ROCK1: variants seen among roughly 807,000 people sequenced by gnomAD.
The protein encoded by ROCK1 is rho-associated protein kinase 1.
ROCK1 carries 36 observed loss-of-function variants against 196.8 expected under a neutral mutation model. The ratio of observed to expected loss-of-function variants is 0.18; its 90% CI spans 0.14 to 0.24. The LOEUF (loss-of-function observed/expected upper bound fraction) is 0.24. Among genes scored for constraint, ROCK1 ranks in the 10% least tolerant of loss-of-function variants. The pLI, the probability that ROCK1 is intolerant of heterozygous loss-of-function variation, is 1.00. For synonymous variants in ROCK1, 443 were observed against 515.9 expected, an observed-to-expected ratio of 0.86 and a Z score of 1.91; for missense variants, 920 against 1,562.0, an observed-to-expected ratio of 0.59 and a Z score of 6.93.
chr18:21,013,425 C>T (rs1481119925), intron 13 of ROCK1, among the ~76,000 whole-genome samples: 1 of 152,166 alleles, frequency 6.6e-6, no homozygotes, highest in African/African-American at 2.4e-5. Flanking sequence ...TTGAGTGCAC[C>T]ATGGCTGCTC....
rs756497542 is a variant in ROCK1, at chr18:20,967,002, T to C, written c.3267A>G (p.Gln1089=). 19 of 1,613,080 alleles carry C rather than the reference T, an allele frequency of 1.2e-5. No individual in the cohort carries two copies. Among genetic ancestry groups the C allele is most frequent in the East Asian group, 2.2e-5 (1 of 44,862 alleles). ...QLASKESDIE[Q]LRAKLLDLSD... Reference sequence around the variant, plus strand: ...AGAGGTCCAAAAGTTTAGCACGCAATTGCTCAATATCACTCTCTTTGCTGG... The same window carrying C: ...AGAGGTCCAAAAGTTTAGCACGCAACTGCTCAATATCACTCTCTTTGCTGG... The change falls in exon 27 of 33, where the codon CAA becomes CAG. Residue 1089 remains glutamine, a synonymous_variant. Coordinates refer to ENST00000399799, the MANE Select transcript of ROCK1 (RefSeq NM_005406.3).
At chr18:21,063,983 C>T (rs1020769162) in intron 2 of ROCK1, among the ~76,000 whole-genome samples, 6 of 152,126 alleles carry the variant, frequency 3.9e-5, no homozygotes, top group Non-Finnish European at 8.8e-5. Context: ...GTGTAAACTG[C>T]CTTGATTTAG....
intron 9 of ROCK1, among the ~76,000 whole-genome samples, chr18:21,033,421 A>G (rs987081681): frequency 2.0e-5 from 3 of 152,156 alleles, no homozygotes; most frequent in African/African-American, 7.2e-5. Flanking sequence ...ATGACCAGGA[A>G]CAGACAAGGT....
At chr18:20,985,119 C>CT (rs1441954558) in intron 19 of ROCK1, among the ~76,000 whole-genome samples, 1 of 151,922 alleles carries the variant, frequency 6.6e-6, no homozygotes, top group Non-Finnish European at 1.5e-5. Flanking sequence ...AAAGCCATTC[C>CT]TGGGGGAACA....
At chr18:20,975,321 G>A (rs999252603) in intron 22 of ROCK1, among the ~76,000 whole-genome samples, 2 of 152,184 alleles carry the variant, frequency 1.3e-5, no homozygotes, top group African/African-American at 4.8e-5. Context: ...ATACTTGGAG[G>A]AAACTGTTCC....
At chr18:21,052,228 TTCAA>T (rs1383976111) in intron 2 of ROCK1, among the ~76,000 whole-genome samples, 1 of 152,192 alleles carries the variant, frequency 6.6e-6, no homozygotes, top group Non-Finnish European at 1.5e-5. Flanking sequence ...TTGGATGGCT[TTCAA>T]TCAAACTCAG....
At position 20,979,846 on chromosome 18, in the gene ROCK1, TAACTTAA is replaced by T. The variant is rs1157317156; in HGVS notation, c.2654+57_2654+63del. ...CCAGAATAATGGCACATCTATTCAC[TAACTTAA>T]AACTTAAGAATGCCTGTTGCAGTAC... On this transcript the variant is annotated intron_variant, in intron 22 of 32. Coordinates refer to ENST00000399799, the MANE Select transcript of ROCK1 (RefSeq NM_005406.3). 3 of 1,475,960 alleles carry T rather than the reference TAACTTAA, an allele frequency of 2.0e-6. No individual in the cohort carries two copies. The African/African-American group carries it at 4.3e-5, about 21-fold the overall frequency. 91.4% of individuals were successfully genotyped at this position (1,475,960 alleles called of 1,614,324 possible). A position where few individuals can be genotyped will look rare whatever the true frequency, so the allele number is the denominator to read the frequency against.
At chr18:21,070,353 T>C (rs2036373428) in intron 2 of ROCK1, among the ~76,000 whole-genome samples, 179 bp downstream of exon 2, 1 of 152,168 alleles carries the variant, frequency 6.6e-6, no homozygotes, top group South Asian at 2.1e-4. Context: ...CTTCAAAATA[T>C]TTTGGTTCTC....
intron 2 of ROCK1, 45 bp downstream of exon 2, chr18:21,070,487 T>G (rs372230304): frequency 1.0e-6 from 1 of 989,976 alleles, no homozygotes; most frequent in South Asian, 1.5e-5. Context: ...AGTGAAAATG[T>G]AGTTATATGA....
intron 9 of ROCK1, among the ~76,000 whole-genome samples, chr18:21,038,828 C>T (rs2036080498): frequency 6.6e-6 from 1 of 152,110 alleles, no homozygotes; most frequent in Non-Finnish European, 1.5e-5. Context: ...ATGATGAGAA[C>T]CTTTGGTGTC....
Position 20,948,287 on chromosome 18 carries a change from G to A in ROCK1, c.*3097C>T, listed in dbSNP as rs2035148904. ...AATAACACCAATGGATTGTTCACCT[G>A]AATTACGATGCAGGAAAGAAGTATT... On this transcript the variant is annotated 3_prime_UTR_variant, in exon 33 of 33. Coordinates refer to ENST00000399799, the MANE Select transcript of ROCK1 (RefSeq NM_005406.3). The A allele has an allele frequency of 6.6e-6, 1 of 152,070 alleles. No homozygotes were observed. Among genetic ancestry groups the A allele is most frequent in the African/African-American group, 2.4e-5 (1 of 41,342 alleles). The allele number at this position is 152,070 out of a possible 1,614,324, so 9.4% of individuals were successfully genotyped here.
At chr18:20,980,517 G>GA (rs201798072) in intron 21 of ROCK1, among the ~76,000 whole-genome samples, 49 of 150,428 alleles carry the variant, frequency 3.3e-4, no homozygotes, top group African/African-American at 1.0e-3. Context: ...TTTTTGCAGT[G>GA]AAAAAAAAAT....
rs1275273153 is a variant in ROCK1 at position 21,110,987 on chromosome 18, G to C, written c.-77C>G. The C allele has an allele frequency of 2.4e-6, 3 of 1,248,484 alleles. No individual in the cohort carries two copies. Among genetic ancestry groups the C allele is most frequent in the Non-Finnish European group, 3.5e-6 (3 of 855,574 alleles). The allele number at this position is 1,248,484 out of a possible 1,614,324, so 77.3% of individuals were successfully genotyped here. On this transcript the variant is annotated 5_prime_UTR_variant, in exon 1 of 33. Transcript: ENST00000399799. ...ATTTCAACCAACTTCCTCCGCGGTG[G>C]GTTCGCAGCCGCGGGGCGGAGGAGC...
intron 1 of ROCK1, among the ~76,000 whole-genome samples, chr18:21,103,562 G>A (rs1056258099): frequency 4.0e-5 from 6 of 151,742 alleles, no homozygotes; most frequent in African/African-American, 1.2e-4. Flanking sequence ...GGGCTCAAGC[G>A]ATCTTCCTAC....
At chr18:20,962,050 CACA>C (rs1196121496) in intron 27 of ROCK1, among the ~76,000 whole-genome samples, 1 of 152,056 alleles carries the variant, frequency 6.6e-6, no homozygotes, top group African/African-American at 2.4e-5. Context: ...TGGCAAATGA[CACA>C]ACGAGGTGGT....
intron 27 of ROCK1, among the ~76,000 whole-genome samples, chr18:20,962,071 A>C (rs2035332893): frequency 6.6e-6 from 1 of 152,156 alleles, no homozygotes; most frequent in South Asian, 2.1e-4. Flanking sequence ...GGTACTTGAC[A>C]GATATTTGTT....
At chr18:20,987,137 A>G in intron 18 of ROCK1, 27 bp from the exon 19 acceptor site, 2 of 1,601,650 alleles carry the variant, frequency 1.2e-6, no homozygotes, top group Non-Finnish European at 1.7e-6. Context: ...TTACAAACAT[A>G]CATTTAAAGA....
chr18:21,003,378 A>C (rs1289257257), intron 16 of ROCK1, among the ~76,000 whole-genome samples: 2 of 152,308 alleles, frequency 1.3e-5, no homozygotes, highest in East Asian at 3.9e-4. Flanking sequence ...AATTCAAGCA[A>C]AATAAATGCA....
At chr18:20,984,242 C>A in intron 20 of ROCK1, 109 bp downstream of exon 20, 1 of 821,192 alleles carries the variant, frequency 1.2e-6, no homozygotes, top group South Asian at 2.1e-5. Context: ...TTTTTTCTGT[C>A]TTTCACAAAC....
Sources: allele counts gnomAD v4.1 joint callset (sites outside exome capture counted in the v4.1 genomes callset), GRCh38; gene constraint gnomAD v4.1.1; transcripts MANE v1.5; gene names NCBI Gene and HGNC (gene_info 2026-07-23, HGNC 2026-07-21).